FOXJ3: variants seen among roughly 807,000 people sequenced by gnomAD.
FOXJ3 encodes forkhead box protein J3.
In FOXJ3, 22 loss-of-function variants were observed where a neutral mutation model predicts 76.1. That is an observed-to-expected ratio of 0.29 (90% CI 0.21 to 0.41). The LOEUF (loss-of-function observed/expected upper bound fraction) is 0.41, where lower values mean the gene tolerates loss of function less well. Ranked by LOEUF, FOXJ3 falls within the 10% of genes least tolerant of loss-of-function variation. The pLI, the probability that FOXJ3 is intolerant of heterozygous loss-of-function variation, is 1.00. For missense variants in FOXJ3, 613 were observed against 762.1 expected (o/e 0.80, Z 2.30); for synonymous variants, 269 against 261.2 (o/e 1.03, Z -0.29).
intron 1 of FOXJ3, among the ~76,000 whole-genome samples, chr1:42,325,666 T>C (rs1655790482): frequency 6.6e-6 from 1 of 152,240 alleles, no homozygotes; most frequent in Non-Finnish European, 1.5e-5. Flanking sequence ...TGGAAGCTTA[T>C]AAGTAGATCC....
intron 4 of FOXJ3, among the ~76,000 whole-genome samples, chr1:42,229,002 C>G (rs1183933638): frequency 6.6e-6 from 1 of 152,200 alleles, no homozygotes. Context: ...TATCAATCCT[C>G]ACACTTTATG....
At chr1:42,256,158 A>G (rs553649478) in intron 4 of FOXJ3, among the ~76,000 whole-genome samples, 1 of 152,342 alleles carries the variant, frequency 6.6e-6, no homozygotes, top group East Asian at 1.9e-4. Flanking sequence ...TAAAAAGAAA[A>G]TCTTCATGAC....
intron 4 of FOXJ3, among the ~76,000 whole-genome samples, chr1:42,247,785 G>A (rs1649665574): frequency 6.6e-6 from 1 of 152,040 alleles, no homozygotes; most frequent in African/African-American, 2.4e-5. Flanking sequence ...TAAAAACACT[G>A]AGTCTATCCT....
chr1:42,197,695 A>AGAAG (rs1224169464), intron 7 of FOXJ3, among the ~76,000 whole-genome samples: 1 of 151,828 alleles, frequency 6.6e-6, no homozygotes, highest in African/African-American at 2.4e-5. Context: ...AAAGAAAGAA[A>AGAAG]GAAATAACAG....
chr1:42,280,456 A>AAAC (rs1652622048), intron 2 of FOXJ3: 1 of 961,762 alleles, frequency 1.0e-6, no homozygotes, highest in African/African-American at 1.8e-5. Context: ...AAAAAAAAAA[A>AAAC]AAAAAAAAAA....
At chr1:42,296,332 G>C (rs1303485231) in intron 2 of FOXJ3, among the ~76,000 whole-genome samples, 1 of 152,132 alleles carries the variant, frequency 6.6e-6, no homozygotes, top group African/African-American at 2.4e-5. Flanking sequence ...GTTTAATTAA[G>C]TCTCATTTGT....
intron 3 of FOXJ3, among the ~76,000 whole-genome samples, chr1:42,272,272 T>A (rs1413820235): frequency 1.3e-5 from 2 of 152,148 alleles, no homozygotes; most frequent in Admixed American, 6.5e-5. Context: ...ATCGCCTCCA[T>A]ACCTGAAGAA....
chr1:42,194,484 C>T (rs1261849661), intron 8 of FOXJ3, among the ~76,000 whole-genome samples: 2 of 152,182 alleles, frequency 1.3e-5, no homozygotes, highest in East Asian at 1.9e-4. Flanking sequence ...TACCACATTC[C>T]GATAGTTATC....
intron 1 of FOXJ3, among the ~76,000 whole-genome samples, chr1:42,325,748 T>TA (rs1236000214): frequency 6.6e-6 from 1 of 152,230 alleles, no homozygotes; most frequent in Admixed American, 6.5e-5. Flanking sequence ...TTACTGTAAG[T>TA]AAACTTAAGG....
At chr1:42,288,500 C>T (rs1320009308) in intron 2 of FOXJ3, among the ~76,000 whole-genome samples, 3 of 152,164 alleles carry the variant, frequency 2.0e-5, no homozygotes, top group Non-Finnish European at 2.9e-5. Context: ...GGCATCAATG[C>T]TGGCAGAGGG....
chr1:42,184,158 C>T (rs1345271557), intron 11 of FOXJ3, among the ~76,000 whole-genome samples: 2 of 152,086 alleles, frequency 1.3e-5, no homozygotes, highest in East Asian at 3.8e-4. Flanking sequence ...GCTGGAAGGG[C>T]CACACCACTC....
chr1:42,279,879 T>A (rs114584486), intron 2 of FOXJ3, among the ~76,000 whole-genome samples: 231 of 152,232 alleles, frequency 1.5e-3, no homozygotes, highest in Non-Finnish European at 2.5e-3. Context: ...GAAAATCCCA[T>A]ATAGCCCCTT....
intron 1 of FOXJ3, 106 bp downstream of exon 1, chr1:42,334,953 G>C (rs1304462733): frequency 6.6e-6 from 1 of 152,214 alleles, no homozygotes; most frequent in South Asian, 2.1e-4. Context: ...CTGGAAGAGA[G>C]AGGGCGTCTC....
chr1:42,307,730 C>T (rs1473396873), intron 2 of FOXJ3, among the ~76,000 whole-genome samples: 1 of 152,176 alleles, frequency 6.6e-6, no homozygotes, highest in African/African-American at 2.4e-5. Context: ...ACTATCACTA[C>T]AAACTACTTT....
intron 2 of FOXJ3, among the ~76,000 whole-genome samples, chr1:42,285,805 T>A (rs1190022345): frequency 6.6e-6 from 1 of 152,252 alleles, no homozygotes; most frequent in Non-Finnish European, 1.5e-5. Flanking sequence ...TAGTGACTAC[T>A]GAGTTTCCCA....
intron 2 of FOXJ3, among the ~76,000 whole-genome samples, chr1:42,279,770 C>G (rs777912205): frequency 1.6e-4 from 25 of 151,712 alleles, no homozygotes; most frequent in Non-Finnish European, 3.2e-4. Context: ...GAAAAGACTT[C>G]TAAGTGATAT....
rs1256689317 is a variant in FOXJ3 at position 42,291,072 on chromosome 1, AGATAGATAGAT to A, written c.45-12411_45-12401del. Reference sequence around the variant, plus strand: ...TAGATAGATAGATAGATAGATAGATAGATAGATAGATAGACAGACAGACAGACAGATAGATC... The same window carrying A: ...TAGATAGATAGATAGATAGATAGATAAGACAGACAGACAGACAGATAGATC... On this transcript the variant is annotated intron_variant, in intron 2 of 12. Coordinates refer to ENST00000361346, the MANE Select transcript of FOXJ3 (RefSeq NM_014947.5). Among the ~76,000 whole-genome samples, 39 of 128,148 alleles carry A rather than the reference AGATAGATAGAT, an allele frequency of 3.0e-4. 1 individual carries two copies. In the East Asian group the frequency reaches 7.6e-3, roughly 25 times the overall value. 84.1% of individuals were successfully genotyped at this position (128,148 alleles called of 152,430 possible). A position where few individuals can be genotyped will look rare whatever the true frequency, so the allele number is the denominator to read the frequency against.
At chr1:42,227,657 T>G (rs186858378) in intron 5 of FOXJ3, among the ~76,000 whole-genome samples, 1 of 152,344 alleles carries the variant, frequency 6.6e-6, no homozygotes, top group Admixed American at 6.5e-5. Context: ...AAACGACACC[T>G]GCGCCCTAAT....
At chr1:42,310,669 C>T (rs947926518) in intron 2 of FOXJ3, among the ~76,000 whole-genome samples, 1 of 151,974 alleles carries the variant, frequency 6.6e-6, no homozygotes, top group Non-Finnish European at 1.5e-5. Context: ...AGGCTGGTCT[C>T]AAACTCCTGA....
Sources: gnomAD v4.1 joint callset for allele counts (sites outside exome capture counted in the v4.1 genomes callset) on GRCh38, gnomAD v4.1.1 for gene constraint, MANE v1.5 for transcripts, NCBI Gene and HGNC (gene_info 2026-07-23, HGNC 2026-07-21) for gene names.